The following CDKAL1 variants were observed in gnomAD, a reference collection of about 807,000 sequenced individuals.
CDKAL1 encodes CDKAL1 threonylcarbamoyladenosine tRNA methylthiotransferase, also known as threonylcarbamoyladenosine tRNA methylthiotransferase.
Under a neutral mutation model 68.2 loss-of-function variants are expected in CDKAL1, and 32 were observed. That is an observed-to-expected ratio of 0.47 (90% confidence interval 0.35 to 0.63). CDKAL1 has a LOEUF of 0.63. Among genes scored for constraint, CDKAL1 ranks in the 30% least tolerant of loss-of-function variants. The pLI is 0.00. For synonymous variants in CDKAL1, 234 were observed against 244.3 expected, an observed-to-expected ratio of 0.96 and a Z score of 0.39; for missense variants, 606 against 696.7, an observed-to-expected ratio of 0.87 and a Z score of 1.47.
intron 11 of CDKAL1, among the ~76,000 whole-genome samples, chr6:21,006,998 C>T (rs1051864141): frequency 1.6e-4 from 24 of 152,084 alleles, no homozygotes; most frequent in African/African-American, 5.1e-4. Flanking sequence ...AGAATAATAA[C>T]GTTTTTCTTT....
At chr6:20,687,624 G>A (rs568829813) in intron 5 of CDKAL1, among the ~76,000 whole-genome samples, 4 of 151,616 alleles carry the variant, frequency 2.6e-5, no homozygotes, top group African/African-American at 4.8e-5. Context: ...CTGCAGCCTC[G>A]ACCTCCTAGG....
At chr6:20,688,411 TGA>T (rs1770725972) in intron 5 of CDKAL1, among the ~76,000 whole-genome samples, 1 of 152,106 alleles carries the variant, frequency 6.6e-6, no homozygotes. Context: ...AATATTCTGT[TGA>T]GAGGTTTCTT....
At chr6:20,764,995 G>A in intron 7 of CDKAL1, among the ~76,000 whole-genome samples, 1 of 152,040 alleles carries the variant, frequency 6.6e-6, no homozygotes, top group South Asian at 2.1e-4. Flanking sequence ...CTACCTTCTA[G>A]TGAGTAAAGG....
intron 4 of CDKAL1, among the ~76,000 whole-genome samples, chr6:20,589,424 G>C (rs1230887339): frequency 1.3e-5 from 2 of 152,262 alleles, no homozygotes; most frequent in South Asian, 4.1e-4. Context: ...AGATGCAATC[G>C]CTAGTCTTGC....
At chr6:20,869,163 T>C (rs1391315814) in intron 9 of CDKAL1, among the ~76,000 whole-genome samples, 2 of 152,214 alleles carry the variant, frequency 1.3e-5, no homozygotes, top group African/African-American at 2.4e-5. Flanking sequence ...ACAGTGGTAT[T>C]GATATGATGT....
intron 12 of CDKAL1, among the ~76,000 whole-genome samples, chr6:21,097,708 T>C (rs1007993618): frequency 8.5e-5 from 13 of 152,180 alleles, no homozygotes; most frequent in African/African-American, 3.1e-4. Flanking sequence ...GAACTTGTCA[T>C]TGGAGAAAGG....
chr6:20,838,974 C>CAA (rs773185500), intron 8 of CDKAL1, among the ~76,000 whole-genome samples: 4 of 99,514 alleles, frequency 4.0e-5, no homozygotes, highest in East Asian at 2.9e-4. Context: ...GACTCCATCT[C>CAA]AAAAAAAAAA....
intron 12 of CDKAL1, among the ~76,000 whole-genome samples, chr6:21,094,020 C>G (rs908879853): frequency 3.3e-5 from 5 of 151,752 alleles, no homozygotes; most frequent in Non-Finnish European, 7.4e-5. Context: ...GCATAAGTCA[C>G]TGCACTTGTC....
At chr6:20,940,323 AAT>A (rs577728887) in intron 9 of CDKAL1, among the ~76,000 whole-genome samples, 93 of 152,312 alleles carry the variant, frequency 6.1e-4, no homozygotes, top group East Asian at 2.1e-3. Flanking sequence ...ATAATTTATT[AAT>A]ATATTTCTAT....
At chr6:20,912,793 G>A (rs1403555602) in intron 9 of CDKAL1, among the ~76,000 whole-genome samples, 1 of 151,866 alleles carries the variant, frequency 6.6e-6, no homozygotes, top group East Asian at 1.9e-4. Flanking sequence ...TGAATATATG[G>A]TAGTTTGTTT....
intron 5 of CDKAL1, among the ~76,000 whole-genome samples, chr6:20,661,519 A>G (rs1489731586): frequency 1.3e-5 from 2 of 152,040 alleles, no homozygotes; most frequent in Non-Finnish European, 2.9e-5. Context: ...GAATATTATC[A>G]TGTGATGTAT....
chr6:20,689,781 A>G (rs527271705), intron 5 of CDKAL1, among the ~76,000 whole-genome samples: 1 of 152,324 alleles, frequency 6.6e-6, no homozygotes, highest in South Asian at 2.1e-4. Context: ...AAAAAAATAG[A>G]GAGGTATTTA....
At chr6:20,831,955 C>T (rs1029870436) in intron 8 of CDKAL1, among the ~76,000 whole-genome samples, 2 of 152,120 alleles carry the variant, frequency 1.3e-5, no homozygotes, top group African/African-American at 2.4e-5. Flanking sequence ...AACTTCTGAT[C>T]GCCGGCCAGT....
rs144232279 is a variant in CDKAL1, at chr6:20,569,601, G to T, written c.286+20896G>T. 6.6e-4 allele frequency among the ~76,000 whole-genome samples: 100 copies of T among 152,246 alleles called. 1 individual carries two copies. Among genetic ancestry groups the T allele is most frequent in the African/African-American group, 2.3e-3 (94 of 41,554 alleles). On this transcript the variant is annotated intron_variant, in intron 4 of 15. Transcript: ENST00000274695. ...CCAGCCACCATAATGCTTAATTCAG[G>T]TGCTATGCTGTTTTAATTCTAAAGG...
rs567505581 is a variant in CDKAL1, at chr6:21,000,451, C to G, written c.1055+79C>G. 5 of 1,257,554 alleles carry G rather than the reference C, an allele frequency of 4.0e-6. No homozygotes were observed. The African/African-American group carries it at 7.4e-5, about 19-fold the overall frequency. 77.9% of individuals were successfully genotyped at this position (1,257,554 alleles called of 1,614,324 possible). A position where few individuals can be genotyped will look rare whatever the true frequency, so the allele number is the denominator to read the frequency against. On this transcript the variant is annotated intron_variant, in intron 11 of 15. Coordinates refer to ENST00000274695, the MANE Select transcript of CDKAL1 (RefSeq NM_017774.3). Reference sequence around the variant, plus strand: ...TGTGGCAAAAATGCACTTATTGCAGCCTTACAATTAAAGGTACAAGAGAGA... The same window carrying G: ...TGTGGCAAAAATGCACTTATTGCAGGCTTACAATTAAAGGTACAAGAGAGA...
intron 12 of CDKAL1, among the ~76,000 whole-genome samples, chr6:21,073,923 T>A (rs1032296473): frequency 5.3e-5 from 8 of 152,200 alleles, no homozygotes; most frequent in African/African-American, 1.9e-4. Flanking sequence ...TAAACTTAGG[T>A]TCAGAGTGTC....
intron 13 of CDKAL1, among the ~76,000 whole-genome samples, chr6:21,196,405 G>A (rs557457096): frequency 6.4e-4 from 97 of 152,296 alleles, no homozygotes; most frequent in African/African-American, 2.3e-3. Flanking sequence ...GAAGTTGGGG[G>A]AAATTTCTTT....
intron 8 of CDKAL1, among the ~76,000 whole-genome samples, chr6:20,786,443 A>T: frequency 6.6e-6 from 1 of 151,538 alleles, no homozygotes; most frequent in Non-Finnish European, 1.5e-5. Flanking sequence ...AAGGTTGATA[A>T]GCTGTTTTCG....
Position 21,014,531 on chromosome 6 carries a change from A to C in CDKAL1, c.1055+14159A>C, listed in dbSNP as rs141062823. On this transcript the variant is annotated intron_variant, in intron 11 of 15. Transcript: ENST00000274695. ...GAGGCTGAGGCAAGAGAATGGTGTGAACCTGGGAGGCGGAGCTTGCAATGA... is the reference window on the plus strand; with the variant it reads ...GAGGCTGAGGCAAGAGAATGGTGTGCACCTGGGAGGCGGAGCTTGCAATGA... Among the ~76,000 whole-genome samples the C allele has an allele frequency of 2.8e-3, 422 of 152,076 alleles. 4 individuals carry two copies. Among genetic ancestry groups the C allele is most frequent in the African/African-American group, 9.7e-3 (403 of 41,532 alleles).
Sources: allele counts gnomAD v4.1 joint callset (sites outside exome capture counted in the v4.1 genomes callset), GRCh38; gene constraint gnomAD v4.1.1; transcripts MANE v1.5; gene names NCBI Gene and HGNC (gene_info 2026-07-23, HGNC 2026-07-21).